The following URGCP variants were observed in gnomAD, a reference collection of about 807,000 sequenced individuals.
URGCP encodes the protein up-regulator of cell proliferation.
Under a neutral mutation model 24.6 loss-of-function variants are expected in URGCP, and 13 were observed. The observed-to-expected ratio is 0.53, with a 90% confidence interval of 0.34 to 0.84. The LOEUF (loss-of-function observed/expected upper bound fraction) is 0.84, where lower values mean the gene tolerates loss of function less well. URGCP is among the 40% of genes least tolerant of loss of function. URGCP has a pLI of 0.01. For synonymous variants in URGCP, 444 were observed against 487.2 expected (o/e 0.91, Z 1.17); for missense variants, 899 against 1,194.3 (o/e 0.75, Z 3.64).
At chr7:43,896,133 G>A (rs1016317634) in intron 1 of URGCP, among the ~76,000 whole-genome samples, 2 of 152,124 alleles carry the variant, frequency 1.3e-5, no homozygotes, top group Non-Finnish European at 2.9e-5. Flanking sequence ...TGAGTGAATG[G>A]AAGTATAGAG....
rs370884647 is a variant in URGCP, at chr7:43,877,831, G to A, written c.1632C>T (p.Pro544=). The change falls in exon 6 of 6, where the codon CCC becomes CCT. Residue 544 remains proline, a synonymous_variant. Transcript: ENST00000453200. ...AGATGAACTCCTGCACCCCCGAGGA[G>A]GGATCATGGCCGTTCTGCTGCATTC... is the stretch of plus-strand genomic sequence containing the variant. The part of the protein sequence containing the change: ...ELRMQQNGHD[P]SSGVQEFISG... 27 of 1,609,766 alleles carry A rather than the reference G, an allele frequency of 1.7e-5. No individual in the cohort carries two copies. In the African/African-American group the frequency reaches 2.0e-4, roughly 12 times the overall value.
upstream of URGCP, chr7:43,906,659 G>A (rs1001243383): frequency 4.0e-5 from 44 of 1,111,100 alleles, no homozygotes; most frequent in African/African-American, 3.2e-4. Flanking sequence ...CTGGCCCGCC[G>A]GCCGCCCGCC....
At chr7:43,909,609 C>G (rs1207415911), upstream of URGCP, among the ~76,000 whole-genome samples, 1 of 151,870 alleles carries the variant, frequency 6.6e-6, no homozygotes, top group Non-Finnish European at 1.5e-5. Context: ...GCCTGTAGTC[C>G]CAGCTACTAA....
intron 1 of URGCP, among the ~76,000 whole-genome samples, chr7:43,896,328 C>T (rs1385081855): frequency 2.6e-5 from 4 of 151,838 alleles, no homozygotes; most frequent in East Asian, 1.9e-4. Flanking sequence ...TGGTGGCACA[C>T]GCCTGTAATC....
At chr7:43,923,799 G>A (rs2095925458) in intron 1 of URGCP, among the ~76,000 whole-genome samples, 1 of 151,938 alleles carries the variant, frequency 6.6e-6, no homozygotes, top group South Asian at 2.1e-4. Flanking sequence ...TTTTCTAGTT[G>A]GTATTGCTTG....
upstream of URGCP, among the ~76,000 whole-genome samples, chr7:43,911,233 T>C (rs368597682): frequency 5.9e-5 from 9 of 151,748 alleles, no homozygotes; most frequent in African/African-American, 2.2e-4. Context: ...AAACCTCCTC[T>C]CTACTAAAAA....
At chr7:43,925,708 C>T (rs1229792585) in intron 1 of URGCP, among the ~76,000 whole-genome samples, 1 of 151,002 alleles carries the variant, frequency 6.6e-6, no homozygotes, top group African/African-American at 2.4e-5. Flanking sequence ...GCATGTTGGC[C>T]AGGCTGGTCT....
chr7:43,918,214 C>T (rs1019733779), intron 1 of URGCP, among the ~76,000 whole-genome samples: 3 of 139,738 alleles, frequency 2.1e-5, no homozygotes, highest in Non-Finnish European at 4.5e-5. Context: ...GCAGAGGTTT[C>T]AGTGAGTGGA....
Position 43,878,668 on chromosome 7 carries a change from G to A in URGCP, c.795C>T (p.Phe265=), listed in dbSNP as rs376106117. The change falls in exon 6 of 6, where the codon TTC becomes TTT. Residue 265 remains phenylalanine, a synonymous_variant. Coordinates refer to ENST00000453200, the MANE Select transcript of URGCP (RefSeq NM_001077663.3). The surrounding 1 kb of genome is among the most constrained non-coding windows in gnomAD (Gnocchi z 5.6). The part of the protein sequence containing the change: ...VVLSRAPAFA[F]VRMDVSSNSK... ...AGTTGCTACTGACGTCCATGCGCAC[G>A]AAGGCGAAGGCGGGCGCCCTGGACA... 42 of 1,613,488 alleles carry A rather than the reference G, an allele frequency of 2.6e-5. No homozygotes were observed. Among genetic ancestry groups the A allele is most frequent in the Admixed American group, 8.3e-5 (5 of 60,034 alleles).
At chr7:43,887,920 A>ACTT in intron 1 of URGCP, 104 bp from the exon 2 acceptor site, 1 of 734,698 alleles carries the variant, frequency 1.4e-6, no homozygotes, top group Non-Finnish European at 2.2e-6. Flanking sequence ...TAACGGAATT[A>ACTT]TGGTCAAATT....
At position 43,878,812 on chromosome 7, in the gene URGCP, C is replaced by T; in HGVS notation, c.651G>A (p.Leu217=). The T allele has an allele frequency of 1.9e-6, 3 of 1,614,082 alleles. No homozygotes were observed. The highest frequency in any genetic ancestry group is 2.5e-6 in the Non-Finnish European group (3 of 1,179,962). ...ALCQFALPLV[L]PDSENHYHTF... is the part of the protein sequence containing the mutation. ...TATGGTAGTGGTTCTCCGAGTCAGG[C>T]AACACGAGTGGGAGTGCAAACTGGC... Residue 217 remains leucine, a synonymous_variant, in exon 6 of 6, where the codon TTG becomes TTA. Transcript: ENST00000453200. The surrounding 1 kb of genome is among the most constrained non-coding windows in gnomAD (Gnocchi z 5.6).
At chr7:43,904,420 G>A (rs1336211066) in intron 1 of URGCP, among the ~76,000 whole-genome samples, 1 of 152,166 alleles carries the variant, frequency 6.6e-6, no homozygotes, top group Non-Finnish European at 1.5e-5. Context: ...ACTCCTCTAT[G>A]ACTAGCCCAG....
chr7:43,926,052 G>C (rs1585846384), intron 1 of URGCP: 1 of 152,258 alleles, frequency 6.6e-6, no homozygotes, highest in Non-Finnish European at 1.5e-5. Context: ...AGTTTTGCGT[G>C]TGAACGTATG....
chr7:43,887,451 T>G lies in URGCP; in HGVS notation c.76A>C (p.Lys26Gln). ...SDLGEVAPEI[K>Q]ASERRTAVAI... ...ACAGCTGTTCGTCTCTCTGATGCTT[T>G]TATTTCTGGGGCTACTTCTCCCAAA... The change falls in exon 3 of 6, where the codon AAA (lysine) becomes CAA (glutamine). Residue 26 changes from lysine to glutamine, a missense_variant. Transcript: ENST00000453200. The G allele has an allele frequency of 6.2e-7, 1 of 1,613,926 alleles. No homozygotes were observed. Among genetic ancestry groups the G allele is most frequent in the Non-Finnish European group, 8.5e-7 (1 of 1,179,864 alleles).
chr7:43,904,813 G>A (rs1263052231), intron 1 of URGCP, among the ~76,000 whole-genome samples: 1 of 152,126 alleles, frequency 6.6e-6, no homozygotes, highest in South Asian at 2.1e-4. Flanking sequence ...AGGCAATATG[G>A]TACAGCCTGT....
intron 3 of URGCP, among the ~76,000 whole-genome samples, chr7:43,886,421 C>G (rs560773030): frequency 6.6e-6 from 1 of 151,684 alleles, no homozygotes. Context: ...TTAGCACATT[C>G]ATTTTAAGAA....
In URGCP at chr7:43,876,976, G is replaced by C; in HGVS notation, c.2487C>G (p.Gly829=). The C allele has an allele frequency of 6.2e-7, 1 of 1,614,194 alleles. No homozygotes were observed. Among genetic ancestry groups the C allele is most frequent in the Non-Finnish European group, 8.5e-7 (1 of 1,180,042 alleles). Residue 829 remains glycine (G), a synonymous_variant, in exon 6 of 6, where the codon GGC becomes GGG. Coordinates refer to ENST00000453200, the MANE Select transcript of URGCP (RefSeq NM_001077663.3). ...YQNLHDVSVP[G]PRPRDKRQLL... ...GCTGTCTCTTGTCTCTGGGCCTAGG[G>C]CCGGGAACAGATACATCATGAAGGT...
chr7:43,926,621 G>A (rs1359991525), upstream of URGCP: 2 of 1,494,912 alleles, frequency 1.3e-6, no homozygotes, highest in Admixed American at 2.4e-5. Flanking sequence ...GCGGGGCGCC[G>A]CTGCCGTGAA....
chr7:43,883,763 T>G (rs1408433888), intron 3 of URGCP, among the ~76,000 whole-genome samples: 1 of 152,190 alleles, frequency 6.6e-6, no homozygotes, highest in South Asian at 2.1e-4. Flanking sequence ...ACCTAACATT[T>G]CAAACCGTCT....
Sources: allele counts gnomAD v4.1 joint callset (sites outside exome capture counted in the v4.1 genomes callset), GRCh38; gene constraint gnomAD v4.1.1; non-coding constraint Gnocchi (gnomAD v3.1); transcripts MANE v1.5; gene names NCBI Gene and HGNC (gene_info 2026-07-23, HGNC 2026-07-21).